Variants in PRH1 observed in about 807,000 individuals in gnomAD.
PRH1 encodes proline rich protein HaeIII subfamily 1.
A neutral mutation model predicts 7.9 loss-of-function variants in PRH1; 7 were observed. The ratio of observed to expected loss-of-function variants is 0.89; its 90% CI spans 0.50 to 1.67. The LOEUF is 1.67. Ranked by LOEUF, PRH1 falls within the 40% of genes most tolerant of loss-of-function variation. PRH1 has a pLI of 0.00. For missense variants in PRH1, 109 were observed against 223.6 expected, an observed-to-expected ratio of 0.49 and a Z score of 3.27; for synonymous variants, 45 against 80.8, an observed-to-expected ratio of 0.56 and a Z score of 2.38.
At chr12:11,071,601 A>C (rs76949529) in intron 1 of PRH1, among the ~76,000 whole-genome samples, 1 of 14,956 alleles carries the variant, frequency 6.7e-5, no homozygotes, top group Non-Finnish European at 5.7e-4. Flanking sequence ...GGAAGGTGAC[A>C]GAGTTGATTA....
rs146261431 is a variant in PRH1 at position 11,151,501 on chromosome 12, C to T, written n.39+19921G>A. 2.4e-3 allele frequency among the ~76,000 whole-genome samples: 358 copies of T among 152,300 alleles called. 3 individuals are homozygous for T. Among genetic ancestry groups the T allele is most frequent in the African/African-American group, 8.0e-3 (332 of 41,558 alleles). On this transcript the variant is annotated intron_variant and non_coding_transcript_variant, in intron 1 of 1. Coordinates refer to the PRH1 transcript ENST00000541175. ...AAATTTCACAGTCTCCTTTTAAACA[C>T]ATACGAAGAAATCAACTGTGATTAT...
In PRH1 at chr12:11,112,195, C is replaced by T. The variant is rs927968735; in HGVS notation, n.123+59227G>A. 5.9e-5 allele frequency among the ~76,000 whole-genome samples: 9 copies of T among 152,116 alleles called. No homozygotes were observed. The South Asian group carries it at 1.9e-3, about 32-fold the overall frequency. On this transcript the variant is annotated intron_variant and non_coding_transcript_variant, in intron 1 of 4. Coordinates refer to the PRH1 transcript ENST00000541977. Reference sequence around the variant, plus strand: ...CAACCAAAAAAAGTCCAGGAACAGACATATTCACAACCAAATTCTACCAGA... The same window carrying T: ...CAACCAAAAAAAGTCCAGGAACAGATATATTCACAACCAAATTCTACCAGA...
intron 2 of PRH1, among the ~76,000 whole-genome samples, chr12:10,894,646 A>G (rs1949619263): frequency 6.6e-6 from 1 of 152,182 alleles, no homozygotes; most frequent in Non-Finnish European, 1.5e-5. Flanking sequence ...ATGCTTATGC[A>G]ACATATTAAT....
At chr12:11,091,184 C>G in intron 1 of PRH1, 1 of 160,178 alleles carries the variant, frequency 6.2e-6, no homozygotes, top group South Asian at 8.1e-5. Context: ...TCTAGGTATA[C>G]GTTTGGAAAT....
At chr12:10,949,792 C>CA (rs11460288) in intron 2 of PRH1, among the ~76,000 whole-genome samples, 2,070 of 152,064 alleles carry the variant, frequency 0.014, 38 homozygotes, top group African/African-American at 0.047. Flanking sequence ...TAAAATTTGC[C>CA]AAAAATCCAG....
intron 1 of PRH1, chr12:11,077,929 A>T (rs1268882311): frequency 3.1e-6 from 3 of 963,788 alleles, no homozygotes; most frequent in Non-Finnish European, 5.0e-6. Flanking sequence ...GAGCAAATAA[A>T]ATATGCTGAG....
intron 1 of PRH1, chr12:11,159,625 T>C (rs1305652409): frequency 2.0e-5 from 3 of 152,158 alleles, no homozygotes; most frequent in Admixed American, 1.3e-4. Flanking sequence ...ATGAGCCCGT[T>C]TCCCAGCATT....
At chr12:11,168,299 A>AGAAAGAAAGAAAGAAGGAAG in intron 1 of PRH1, among the ~76,000 whole-genome samples, 1 of 5,888 alleles carries the variant, frequency 1.7e-4, no homozygotes. Flanking sequence ...AAAGAAAGAA[A>AGAAAGAAAGAAAGAAGGAAG]GAAGGAAGGA....
chr12:11,084,235 A>C (rs796159633), intron 1 of PRH1, among the ~76,000 whole-genome samples: 50,122 of 106,612 alleles, frequency 0.47, 7,281 homozygotes, highest in Non-Finnish European at 0.56. Context: ...CTTCTGCCAA[A>C]GTAAAGATGC....
At chr12:11,131,091 ATG>A (rs1946327218) in intron 1 of PRH1, among the ~76,000 whole-genome samples, 1 of 151,450 alleles carries the variant, frequency 6.6e-6, no homozygotes, top group Non-Finnish European at 1.5e-5. Flanking sequence ...GGACTGGATG[ATG>A]TAAGACAGAA....
chr12:11,013,255 C>A (rs1315603009), intron 1 of PRH1, among the ~76,000 whole-genome samples: 1 of 151,990 alleles, frequency 6.6e-6, no homozygotes, highest in Non-Finnish European at 1.5e-5. Context: ...TTACAGTAGA[C>A]AAAAGAACAA....
intron 2 of PRH1, among the ~76,000 whole-genome samples, chr12:10,928,343 T>A (rs1194924367): frequency 1.3e-5 from 2 of 152,110 alleles, no homozygotes; most frequent in African/African-American, 2.4e-5. Context: ...GGCCACTTAG[T>A]TATTAGTGGT....
At chr12:11,011,795 C>G (rs932355463) in intron 1 of PRH1, among the ~76,000 whole-genome samples, 1 of 152,022 alleles carries the variant, frequency 6.6e-6, no homozygotes, top group Non-Finnish European at 1.5e-5. Flanking sequence ...CTAACTAATA[C>G]TTTTGTATAA....
intron 1 of PRH1, among the ~76,000 whole-genome samples, chr12:11,139,466 T>A (rs180813021): frequency 1.5e-4 from 23 of 152,262 alleles, no homozygotes; most frequent in East Asian, 5.8e-4. Context: ...GTATTAAAAA[T>A]TTTTTTTCCA....
chr12:10,887,918 G>A (rs1022955476), upstream of PRH1, among the ~76,000 whole-genome samples: 2 of 107,332 alleles, frequency 1.9e-5, no homozygotes, highest in African/African-American at 2.6e-5. Context: ...CTAAGAAGGC[G>A]CTTATTTTAG....
At chr12:11,061,283 G>C (rs1591922744) in intron 1 of PRH1, 2 of 1,523,656 alleles carry the variant, frequency 1.3e-6, no homozygotes, top group African/African-American at 2.8e-5. Context: ...ATACATTACA[G>C]AAAACACAGT....
intron 2 of PRH1, among the ~76,000 whole-genome samples, chr12:10,952,476 A>AT (rs988946346): frequency 5.9e-5 from 9 of 151,924 alleles, no homozygotes; most frequent in South Asian, 4.2e-4. Context: ...CAATAAAATA[A>AT]TTTTTTTTTA....
chr12:11,110,999 A>C (rs1052976440), intron 1 of PRH1, among the ~76,000 whole-genome samples: 5 of 152,208 alleles, frequency 3.3e-5, no homozygotes, highest in Non-Finnish European at 7.3e-5. Flanking sequence ...CAGGGGTGGC[A>C]ATCCTAGACT....
chr12:10,949,857 C>T (rs2135911252), intron 2 of PRH1, among the ~76,000 whole-genome samples: 1 of 152,244 alleles, frequency 6.6e-6, no homozygotes, highest in African/African-American at 2.4e-5. Flanking sequence ...TTTTCTTCCT[C>T]CCACATATCC....
Sources: gnomAD v4.1 joint callset for allele counts (sites outside exome capture counted in the v4.1 genomes callset) on GRCh38, gnomAD v4.1.1 for gene constraint, MANE v1.5 for transcripts, NCBI Gene and HGNC (gene_info 2026-07-23, HGNC 2026-07-21) for gene names.